The following NEK7 variants were observed in gnomAD, a reference collection of about 807,000 sequenced individuals.
NEK7 encodes serine/threonine-protein kinase Nek7.
Under a neutral mutation model 44.6 loss-of-function variants are expected in NEK7, and 18 were observed. The ratio of observed to expected loss-of-function variants is 0.40; its 90% CI spans 0.28 to 0.60. NEK7 has a LOEUF of 0.60. NEK7 is among the 20% of genes least tolerant of loss of function. NEK7 has a pLI of 0.38. For missense variants in NEK7, 256 were observed against 366.5 expected, an observed-to-expected ratio of 0.70 and a Z score of 2.46; for synonymous variants, 130 against 121.1, an observed-to-expected ratio of 1.07 and a Z score of -0.48.
chr1:198,318,226 A>G (rs1171012851), intron 9 of NEK7, among the ~76,000 whole-genome samples: 2 of 152,162 alleles, frequency 1.3e-5, no homozygotes, highest in Non-Finnish European at 2.9e-5. Context: ...ATGAACCTCC[A>G]GAGACAGTGA....
At chr1:198,196,927 A>G (rs956238923) in intron 1 of NEK7, among the ~76,000 whole-genome samples, 4 of 152,184 alleles carry the variant, frequency 2.6e-5, no homozygotes, top group African/African-American at 9.7e-5. Flanking sequence ...GGTAACCTGA[A>G]TAAGCCTCAC....
intron 1 of NEK7, among the ~76,000 whole-genome samples, chr1:198,201,013 T>C (rs114659314): frequency 0.029 from 4,461 of 152,322 alleles, 117 homozygotes; most frequent in African/African-American, 0.063. Context: ...ATTATGTGTT[T>C]ATTCATGTTG....
chr1:198,240,929 G>C (rs373094967), intron 2 of NEK7, among the ~76,000 whole-genome samples: 1 of 152,172 alleles, frequency 6.6e-6, no homozygotes, highest in African/African-American at 2.4e-5. Flanking sequence ...TCCTAACCTT[G>C]TGATCCACCC....
chr1:198,260,482 T>C (rs973656835), intron 3 of NEK7, among the ~76,000 whole-genome samples: 1 of 152,004 alleles, frequency 6.6e-6, no homozygotes, highest in African/African-American at 2.4e-5. Flanking sequence ...TGTTCCATTC[T>C]GAAATCATGG....
chr1:198,309,870 T>G (rs897148830), intron 9 of NEK7, among the ~76,000 whole-genome samples: 7 of 152,216 alleles, frequency 4.6e-5, no homozygotes, highest in African/African-American at 1.4e-4. Flanking sequence ...TGGTTCCAAG[T>G]CTTTGCTATT....
chr1:198,318,912 GT>G (rs963258661), intron 9 of NEK7, among the ~76,000 whole-genome samples: 7 of 151,784 alleles, frequency 4.6e-5, no homozygotes, highest in South Asian at 2.1e-4. Context: ...TTAAAGGAGT[GT>G]TTTTTTCTCT....
At position 198,297,157 on chromosome 1, in the gene NEK7, G is replaced by A; in HGVS notation, c.715G>A (p.Asp239Asn). Residue 239 changes from aspartate (D) to asparagine (N), a missense_variant, in exon 9 of 10, where the codon GAC becomes AAC. Asp to Asn is a conservative substitution (Grantham distance 23). Coordinates refer to ENST00000367385, the MANE Select transcript of NEK7 (RefSeq NM_133494.3). ...TGCATTACAAAGTCCTTTCTATGGT[G>A]ACAAAATGAATTTATACTCACTGTG... is the stretch of plus-strand genomic sequence containing the variant. Reference protein sequence around the residue: ...MAALQSPFYGDKMNLYSLCKK... With the variant: ...MAALQSPFYGNKMNLYSLCKK... 6.2e-7 allele frequency: 1 copy of A among 1,613,146 alleles called. No homozygotes were observed.
chr1:198,237,298 C>T lies in NEK7; in HGVS notation c.57+4661C>T, dbSNP rs535881063. ...CAGTCTCATGATTCTATGCTGGTGACTCTTTGTATCTCAACCTGGACCTCT... is the reference window on the plus strand; with the variant it reads ...CAGTCTCATGATTCTATGCTGGTGATTCTTTGTATCTCAACCTGGACCTCT... On this transcript the variant is annotated intron_variant, in intron 2 of 9. Transcript: ENST00000367385. Among the ~76,000 whole-genome samples, 5 of 152,216 alleles carry T rather than the reference C, an allele frequency of 3.3e-5. No individual in the cohort carries two copies. The South Asian group carries it at 1.0e-3, about 32-fold the overall frequency.
At chr1:198,278,137 T>C in intron 6 of NEK7, 68 bp downstream of exon 6, 1 of 832,728 alleles carries the variant, frequency 1.2e-6, no homozygotes, top group Admixed American at 1.9e-5. Context: ...AGTAAATGTC[T>C]TCAAGTCAGT....
At chr1:198,283,469 GT>G (rs909242322) in intron 7 of NEK7, among the ~76,000 whole-genome samples, 17 of 151,652 alleles carry the variant, frequency 1.1e-4, no homozygotes, top group African/African-American at 3.6e-4. Context: ...CGGTTGTTTG[GT>G]TTTTTTTGGT....
chr1:198,164,790 T>C (rs1388327331), intron 1 of NEK7, among the ~76,000 whole-genome samples: 2 of 152,128 alleles, frequency 1.3e-5, no homozygotes, highest in East Asian at 1.9e-4. Context: ...TAGACAACCA[T>C]AAAGCTTGCC....
chr1:198,173,864 A>G (rs1280287526), intron 1 of NEK7, among the ~76,000 whole-genome samples: 3 of 152,114 alleles, frequency 2.0e-5, no homozygotes, highest in African/African-American at 7.2e-5. Flanking sequence ...TCCTGCTTTT[A>G]ATTTTTCTTA....
chr1:198,171,470 G>A (rs1423033494), intron 1 of NEK7, among the ~76,000 whole-genome samples: 3 of 151,984 alleles, frequency 2.0e-5, no homozygotes, highest in African/African-American at 7.3e-5. Flanking sequence ...CACGAGGTCA[G>A]GAGTTCGAGA....
intron 1 of NEK7, among the ~76,000 whole-genome samples, chr1:198,201,335 C>A (rs1356596190): frequency 2.0e-5 from 3 of 152,102 alleles, no homozygotes; most frequent in Admixed American, 1.3e-4. Flanking sequence ...TTATTAGTTT[C>A]ATTTGAAAAG....
At chr1:198,205,056 C>G (rs1331022378) in intron 1 of NEK7, among the ~76,000 whole-genome samples, 1 of 152,158 alleles carries the variant, frequency 6.6e-6, no homozygotes, top group Non-Finnish European at 1.5e-5. Flanking sequence ...TCCTTCTTCT[C>G]CTACTTCCAC....
At chr1:198,197,899 T>C in intron 1 of NEK7, 1 of 1,206,678 alleles carries the variant, frequency 8.3e-7, no homozygotes, top group Non-Finnish European at 1.2e-6. Flanking sequence ...TCACTCCTAG[T>C]CCGAACATGC....
chr1:198,292,732 C>G (rs1019422168), intron 7 of NEK7, among the ~76,000 whole-genome samples: 2 of 151,846 alleles, frequency 1.3e-5, no homozygotes, highest in Admixed American at 6.6e-5. Flanking sequence ...GTTTAACCCA[C>G]CACATTGTTT....
At chr1:198,167,415 A>T (rs1417591016) in intron 1 of NEK7, among the ~76,000 whole-genome samples, 1 of 152,218 alleles carries the variant, frequency 6.6e-6, no homozygotes, top group African/African-American at 2.4e-5. Context: ...AGATAAAGGC[A>T]CCCAAGGCAT....
At chr1:198,219,561 G>C (rs1363969047) in intron 1 of NEK7, among the ~76,000 whole-genome samples, 1 of 151,770 alleles carries the variant, frequency 6.6e-6, no homozygotes, top group African/African-American at 2.4e-5. Context: ...GAATGGGGAA[G>C]GGTGGGAGGG....
Sources: allele counts gnomAD v4.1 joint callset (sites outside exome capture counted in the v4.1 genomes callset), GRCh38; gene constraint gnomAD v4.1.1; transcripts MANE v1.5; gene names NCBI Gene and HGNC (gene_info 2026-07-23, HGNC 2026-07-21).